CYP7B1: variants seen among roughly 807,000 people sequenced by gnomAD.
CYP7B1 encodes cytochrome P450 family 7 subfamily B member 1, also known as cytochrome P450 7B1.
CYP7B1 carries 29 observed loss-of-function variants against 42.7 expected under a neutral mutation model. The observed-to-expected ratio is 0.68, with a 90% CI of 0.51 to 0.93. The LOEUF is 0.93. CYP7B1 is among the 40% of genes least tolerant of loss of function. The pLI, the probability that CYP7B1 is intolerant of heterozygous loss-of-function variation, is 0.00. For missense variants in CYP7B1, 655 were observed against 600.5 expected, an observed-to-expected ratio of 1.09 and a Z score of -0.95; for synonymous variants, 235 against 218.2, an observed-to-expected ratio of 1.08 and a Z score of -0.68.
chr8:64,659,297 A>G (rs1180144524), intron 1 of CYP7B1, among the ~76,000 whole-genome samples: 2 of 152,216 alleles, frequency 1.3e-5, no homozygotes, highest in Non-Finnish European at 2.9e-5. Flanking sequence ...ATATTATGCT[A>G]TTATATGTAT....
Position 64,615,748 on chromosome 8 carries a change from G to C in CYP7B1, c.793C>G (p.Gln265Glu), listed in dbSNP as rs886041525. 3 of 1,613,656 alleles carry C rather than the reference G, an allele frequency of 1.9e-6. No individual in the cohort carries two copies. The highest frequency in any genetic ancestry group is 2.5e-6 in the Non-Finnish European group (3 of 1,179,758). Reference sequence around the variant, plus strand: ...TTCTCCAGGACATCTTGCCTGCTTTGAAAAACTTCTGACCATCCTTGCATC... The same window carrying C: ...TTCTCCAGGACATCTTGCCTGCTTTCAAAAACTTCTGACCATCCTTGCATC... ...AKMQGWSEVFQSRQDVLEKYY... is the reference protein window; with the variant it reads ...AKMQGWSEVFESRQDVLEKYY... Residue 265 changes from glutamine (Q) to glutamate (E), a missense_variant, in exon 3 of 6, where the codon CAA (glutamine) becomes GAA (glutamate). Gln to Glu is a conservative substitution (Grantham distance 29). Coordinates refer to ENST00000310193, the MANE Select transcript of CYP7B1 (RefSeq NM_004820.5).
At chr8:64,700,763 T>C (rs2129632429) in intron 1 of CYP7B1, among the ~76,000 whole-genome samples, 1 of 152,212 alleles carries the variant, frequency 6.6e-6, no homozygotes, top group Non-Finnish European at 1.5e-5. Flanking sequence ...AATGAAATGG[T>C]CTGACAAACA....
intron 1 of CYP7B1, among the ~76,000 whole-genome samples, chr8:64,659,097 G>A (rs553058716): frequency 6.6e-6 from 1 of 152,304 alleles, no homozygotes; most frequent in African/African-American, 2.4e-5. Context: ...AACTATAGCA[G>A]CTAGTTTGCT....
Position 64,604,772 on chromosome 8 carries a change from C to T in CYP7B1, c.1143G>A (p.Glu381=), listed in dbSNP as rs1805252943. The T allele has an allele frequency of 6.2e-7, 1 of 1,614,140 alleles. No homozygotes were observed. ...FVEEDLTLSS[E]TGDYCVRKGD... is the part of the protein sequence containing the mutation. ...CCTTTCGCACACAGTAGTCCCCGGTCTCTGAACTGAGAGTCAAATCCTCCT... is the reference window on the plus strand; with the variant it reads ...CCTTTCGCACACAGTAGTCCCCGGTTTCTGAACTGAGAGTCAAATCCTCCT... The change falls in exon 5 of 6, where the codon GAG becomes GAA. Residue 381 remains glutamate, a synonymous_variant. Transcript: ENST00000310193.
In CYP7B1 at chr8:64,798,589, C is replaced by T. The variant is rs781116478; in HGVS notation, c.-2G>A. 5.5e-5 allele frequency: 81 copies of T among 1,464,460 alleles called. No homozygotes were observed. The highest frequency in any genetic ancestry group is 2.4e-4 in the Middle Eastern group (1 of 4,144). The allele number at this position is 1,464,460 out of a possible 1,614,324, so 90.7% of individuals were successfully genotyped here. ...GGCCGCGGACACTTCTCCTGCCATCCGGCGCGCGCTAGGCCGCGGTGGGCA... is the reference window on the plus strand; with the variant it reads ...GGCCGCGGACACTTCTCCTGCCATCTGGCGCGCGCTAGGCCGCGGTGGGCA... On this transcript the variant is annotated 5_prime_UTR_variant, in exon 1 of 6. Coordinates refer to ENST00000310193, the MANE Select transcript of CYP7B1 (RefSeq NM_004820.5).
At chr8:64,728,733 C>T (rs754946941) in intron 1 of CYP7B1, 1 of 152,114 alleles carries the variant, frequency 6.6e-6, no homozygotes, top group Non-Finnish European at 1.5e-5. Context: ...AATTATCAAA[C>T]ACTTCTAGAA....
At chr8:64,766,810 G>A (rs1807979762) in intron 1 of CYP7B1, among the ~76,000 whole-genome samples, 1 of 152,184 alleles carries the variant, frequency 6.6e-6, no homozygotes, top group African/African-American at 2.4e-5. Flanking sequence ...CCCAGGGCAA[G>A]CGCCAGCCCA....
rs905095442 is a variant in CYP7B1, at chr8:64,742,374, A to C, written c.122+56092T>G. Reference sequence around the variant, plus strand: ...TGCGGAGTAGTTTTAAGAGAGTAGAAACAGTAGTGGTAGAGAAATGTGTTA... The same window carrying C: ...TGCGGAGTAGTTTTAAGAGAGTAGACACAGTAGTGGTAGAGAAATGTGTTA... On this transcript the variant is annotated intron_variant, in intron 1 of 5. Coordinates refer to ENST00000310193, the MANE Select transcript of CYP7B1 (RefSeq NM_004820.5). Among the ~76,000 whole-genome samples, 2 of 152,322 alleles carry C rather than the reference A, an allele frequency of 1.3e-5. 1 individual carries two copies. The highest frequency in any genetic ancestry group is 1.3e-4 in the Admixed American group (2 of 15,302).
chr8:64,707,777 C>T (rs751617306), intron 1 of CYP7B1, among the ~76,000 whole-genome samples: 6 of 151,968 alleles, frequency 3.9e-5, no homozygotes, highest in Non-Finnish European at 7.4e-5. Context: ...CTGCTATGAC[C>T]AATCACAAAC....
At chr8:64,588,405 A>T (rs1804996040), downstream of CYP7B1, among the ~76,000 whole-genome samples, 1 of 152,192 alleles carries the variant, frequency 6.6e-6, no homozygotes, top group Admixed American at 6.5e-5. Flanking sequence ...TATTTAAAGG[A>T]TCCGTTATTT....
intron 1 of CYP7B1, among the ~76,000 whole-genome samples, chr8:64,672,554 T>C (rs895243906): frequency 4.6e-5 from 7 of 152,120 alleles, no homozygotes; most frequent in African/African-American, 1.7e-4. Context: ...ATTCTTCCTA[T>C]CTGATGTGTG....
chr8:64,724,367 T>C (rs1192016358), intron 1 of CYP7B1, among the ~76,000 whole-genome samples: 1 of 152,036 alleles, frequency 6.6e-6, no homozygotes, highest in Non-Finnish European at 1.5e-5. Flanking sequence ...GGCTTGTCTC[T>C]AACTCCTGGC....
intron 1 of CYP7B1, among the ~76,000 whole-genome samples, chr8:64,628,689 GAAAT>G (rs961463787): frequency 1.3e-5 from 2 of 151,804 alleles, no homozygotes; most frequent in African/African-American, 2.4e-5. Flanking sequence ...AAAACAAAAT[GAAAT>G]AAATAAAATG....
At chr8:64,587,412 C>T (rs1415034267), downstream of CYP7B1, among the ~76,000 whole-genome samples, 4 of 152,214 alleles carry the variant, frequency 2.6e-5, no homozygotes, top group South Asian at 6.2e-4. Context: ...GGGGCTCTGC[C>T]TCAAACTGTC....
chr8:64,616,296 A>C lies in CYP7B1; in HGVS notation c.260-15T>G, dbSNP rs781392653. 2 of 1,447,772 alleles carry C rather than the reference A, an allele frequency of 1.4e-6. No individual in the cohort carries two copies. Among genetic ancestry groups the C allele is most frequent in the South Asian group, 1.2e-5 (1 of 82,108 alleles). The allele number at this position is 1,447,772 out of a possible 1,614,324, so 89.7% of individuals were successfully genotyped here. A position where few individuals can be genotyped will look rare whatever the true frequency, so the allele number is the denominator to read the frequency against. On this transcript the variant is annotated splice_polypyrimidine_tract_variant and intron_variant, in intron 2 of 5. Transcript: ENST00000310193. ...TATGTACTTTCCTAGAAAAAAAAAA[A>C]GAGAGAGAAAATATGAGTTCGTTTG...
rs905147918 is a variant in CYP7B1, at chr8:64,742,115, A to C, written c.122+56351T>G. Among the ~76,000 whole-genome samples the C allele has an allele frequency of 3.3e-5, 5 of 152,348 alleles. No individual in the cohort carries two copies. In the East Asian group the frequency reaches 9.6e-4, roughly 29 times the overall value. ...GAAAATTATGTATCTGTTCAAACAA[A>C]TGGAATTATAATTCTGACAAATATT... is the stretch of plus-strand genomic sequence containing the variant. On this transcript the variant is annotated intron_variant, in intron 1 of 5. Transcript: ENST00000310193.
chr8:64,745,147 C>T (rs1337777202), intron 1 of CYP7B1, among the ~76,000 whole-genome samples: 1 of 152,052 alleles, frequency 6.6e-6, no homozygotes, highest in Non-Finnish European at 1.5e-5. Flanking sequence ...CAAGGACAAC[C>T]AAAAAGCTTA....
Position 64,798,625 on chromosome 8 carries a change from T to C in CYP7B1, c.-38A>G. 1 of 1,446,866 alleles carries C rather than the reference T, an allele frequency of 6.9e-7. No individual in the cohort carries two copies. Among genetic ancestry groups the C allele is most frequent in the Non-Finnish European group, 9.0e-7 (1 of 1,109,214 alleles). The allele number at this position is 1,446,866 out of a possible 1,614,324, so 89.6% of individuals were successfully genotyped here. A position where few individuals can be genotyped will look rare whatever the true frequency, so the allele number is the denominator to read the frequency against. On this transcript the variant is annotated 5_prime_UTR_variant, in exon 1 of 6. Transcript: ENST00000310193. ...AGGCCGCGGTGGGCAGCCCGGGGTCTGCCTGCGAACAGCGCGGTCGGCGAC... is the reference window on the plus strand; with the variant it reads ...AGGCCGCGGTGGGCAGCCCGGGGTCCGCCTGCGAACAGCGCGGTCGGCGAC...
At chr8:64,754,893 C>G (rs1267491748) in intron 1 of CYP7B1, among the ~76,000 whole-genome samples, 1 of 152,092 alleles carries the variant, frequency 6.6e-6, no homozygotes. Context: ...AATTTCAGAT[C>G]AAGAAATGAG....
Sources: allele counts gnomAD v4.1 joint callset (sites outside exome capture counted in the v4.1 genomes callset), GRCh38; gene constraint gnomAD v4.1.1; transcripts MANE v1.5; gene names NCBI Gene and HGNC (gene_info 2026-07-23, HGNC 2026-07-21).